The following CEP95 variants were observed in gnomAD, a reference collection of about 807,000 sequenced individuals.
The protein encoded by CEP95 is centrosomal protein 95, also known as centrosomal protein of 95 kDa.
CEP95 carries 98 observed loss-of-function variants against 111.2 expected under a neutral mutation model. The ratio of observed to expected loss-of-function variants is 0.88; its 90% CI spans 0.75 to 1.04. CEP95 has a LOEUF of 1.04. CEP95 is among the 50% of genes least tolerant of loss of function. The pLI, the probability that CEP95 is intolerant of heterozygous loss-of-function variation, is 0.00. For synonymous variants in CEP95, 323 were observed against 327.1 expected, an observed-to-expected ratio of 0.99 and a Z score of 0.14; for missense variants, 1,027 against 977.2, an observed-to-expected ratio of 1.05 and a Z score of -0.68.
chr17:64,535,457 A>G (rs894192840), intron 17 of CEP95: 4 of 152,610 alleles, frequency 2.6e-5, no homozygotes, highest in African/African-American at 9.7e-5. Flanking sequence ...TAGGTGTGGC[A>G]TGTTTCTGCT....
intron 8 of CEP95, among the ~76,000 whole-genome samples, chr17:64,524,967 TCAAAAAA>T (rs1487754380): frequency 6.6e-6 from 1 of 150,426 alleles, no homozygotes; most frequent in African/African-American, 2.5e-5. Context: ...AGACCCCATC[TCAAAAAA>T]CAAAAAAACA....
At chr17:64,524,126 T>C (rs1967597640) in intron 8 of CEP95, among the ~76,000 whole-genome samples, 1 of 152,078 alleles carries the variant, frequency 6.6e-6, no homozygotes, top group Non-Finnish European at 1.5e-5. Flanking sequence ...AATGTTTACT[T>C]TTGGGGGAAT....
rs572838748 is a variant in CEP95 at position 64,514,231 on chromosome 17, C to G, written c.257-17C>G. 2.0e-6 allele frequency: 2 copies of G among 1,012,454 alleles called. No individual in the cohort carries two copies. Among genetic ancestry groups the G allele is most frequent in the South Asian group, 1.4e-5 (1 of 70,200 alleles). 62.7% of individuals were successfully genotyped at this position (1,012,454 alleles called of 1,614,324 possible). A position where few individuals can be genotyped will look rare whatever the true frequency, so the allele number is the denominator to read the frequency against. On this transcript the variant is annotated splice_polypyrimidine_tract_variant and intron_variant, in intron 3 of 19. Transcript: ENST00000556440. Reference sequence around the variant, plus strand: ...TTCATGGTTAAATTTTTTAATAGCTCTATATTCTGTCTCCAGGAGAAAATA... The same window carrying G: ...TTCATGGTTAAATTTTTTAATAGCTGTATATTCTGTCTCCAGGAGAAAATA...
In CEP95 at chr17:64,509,941, G is replaced by A. The variant is rs190850386; in HGVS notation, c.149-232G>A. ...TATATGGTGTAATAAATATTCAACC[G>A]TATTCAACCAGTCTAATATTGATAA... On this transcript the variant is annotated intron_variant, in intron 2 of 19. Transcript: ENST00000556440. Among the ~76,000 whole-genome samples the A allele has an allele frequency of 8.8e-4, 134 of 151,920 alleles. 1 individual carries two copies. The highest frequency in any genetic ancestry group is 1.4e-3 in the Non-Finnish European group (95 of 67,972).
At chr17:64,514,967 A>G (rs2039065280) in intron 4 of CEP95, among the ~76,000 whole-genome samples, 1 of 147,980 alleles carries the variant, frequency 6.8e-6, no homozygotes, top group Non-Finnish European at 1.5e-5. Context: ...AATTAAGACA[A>G]AAAATTGGGG....
At position 64,522,752 on chromosome 17, in the gene CEP95, C is replaced by T. The variant is rs1555678172; in HGVS notation, c.766C>T (p.Pro256Ser). 1.2e-6 allele frequency: 2 copies of T among 1,613,674 alleles called. No individual in the cohort carries two copies. Among genetic ancestry groups the T allele is most frequent in the Non-Finnish European group, 1.7e-6 (2 of 1,179,792 alleles). The change falls in exon 8 of 20, where the codon CCT becomes TCT. Residue 256 changes from proline (P) to serine (S), a missense_variant. Physicochemically the swap from Pro to Ser is moderately conservative, Grantham distance 74. Coordinates refer to ENST00000556440, the MANE Select transcript of CEP95 (RefSeq NM_138363.3). ...GIPNARKLGE[P>S]IRAAIPLHPP... ...TCCAAATGCTAGGAAGCTAGGGGAG[C>T]CTATCCGAGCAGCTATTCCTTTACA...
At chr17:64,536,772 G>A (rs782120915) in intron 18 of CEP95, 24 bp downstream of exon 18, 34 of 1,587,406 alleles carry the variant, frequency 2.1e-5, no homozygotes, top group Admixed American at 5.8e-5. Context: ...ACTTGCTTAC[G>A]CTGTTGTGCT....
In CEP95 at chr17:64,531,828, G is replaced by GAT. The variant is rs1435449999; in HGVS notation, c.1540-61_1540-60dup. 2.4e-6 allele frequency: 3 copies of GAT among 1,224,880 alleles called. No individual in the cohort carries two copies. In the African/African-American group the frequency reaches 4.6e-5, roughly 19 times the overall value. The allele number at this position is 1,224,880 out of a possible 1,614,324, so 75.9% of individuals were successfully genotyped here. A position where few individuals can be genotyped will look rare whatever the true frequency, so the allele number is the denominator to read the frequency against. On this transcript the variant is annotated intron_variant, in intron 13 of 19. Transcript: ENST00000556440. ...GTTTTTGTCAGTATGTAATATTTAAGATGATGTATGAAAGAACTGTTAGAC... is the reference window on the plus strand; with the variant it reads ...GTTTTTGTCAGTATGTAATATTTAAGATATGATGTATGAAAGAACTGTTAGAC...
chr17:64,537,438 T>G (rs556047044), intron 19 of CEP95, 165 bp from the exon 20 acceptor site: 1 of 1,381,018 alleles, frequency 7.2e-7, no homozygotes, highest in Non-Finnish European at 9.4e-7. Flanking sequence ...CCAAGACATT[T>G]TTATCCTATG....
At chr17:64,519,173 C>T in intron 5 of CEP95, 148 bp from the exon 6 acceptor site, 2 of 597,076 alleles carry the variant, frequency 3.3e-6, no homozygotes, top group Non-Finnish European at 6.0e-6. Context: ...ATTCATATAT[C>T]AGTGAAAACA....
intron 1 of CEP95, chr17:64,507,415 G>A: frequency 1.5e-6 from 2 of 1,365,468 alleles, no homozygotes; most frequent in South Asian, 3.4e-5. Flanking sequence ...TTGTCTTTCT[G>A]TGGGGCGTCT....
At chr17:64,506,807 G>C (rs1020795553), upstream of CEP95, 5 of 571,610 alleles carry the variant, frequency 8.7e-6, no homozygotes, top group Non-Finnish European at 1.6e-5. Context: ...GGCTGATGTG[G>C]ACCGTCCGAC....
chr17:64,533,264 G>T, intron 16 of CEP95, 73 bp downstream of exon 16: 1 of 1,288,332 alleles, frequency 7.8e-7, no homozygotes, highest in Non-Finnish European at 1.1e-6. Flanking sequence ...TGCTAGCTGG[G>T]CAACAGTTGC....
intron 5 of CEP95, among the ~76,000 whole-genome samples, chr17:64,517,672 C>G (rs143386923): frequency 1.3e-5 from 2 of 149,256 alleles, no homozygotes; most frequent in African/African-American, 4.9e-5. Context: ...CACAGGTGTG[C>G]GCCACCACAC....
chr17:64,507,611 T>C, intron 1 of CEP95: 1 of 992,032 alleles, frequency 1.0e-6, no homozygotes, highest in Non-Finnish European at 1.2e-6. Flanking sequence ...GGGCTTTGTC[T>C]AGCACCGCTT....
chr17:64,519,228 T>C lies in CEP95; in HGVS notation c.474-93T>C, dbSNP rs145687161. On this transcript the variant is annotated intron_variant, in intron 5 of 19. Transcript: ENST00000556440. The stretch of plus-strand genomic sequence containing the variant: ...TGCTAAGCAGCAAAAGGGAGAGTCT[T>C]TTCCTTTTTCTGCACCCAGCAGCTC... 9.6e-4 allele frequency: 721 copies of C among 753,504 alleles called. 3 individuals are homozygous for C. In the African/African-American group the frequency reaches 0.011, roughly 11 times the overall value. The allele number at this position is 753,504 out of a possible 1,614,324, so 46.7% of individuals were successfully genotyped here.
intron 16 of CEP95, 182 bp from the exon 17 acceptor site, chr17:64,534,403 A>C (rs1968502833): frequency 5.3e-6 from 3 of 563,616 alleles, no homozygotes; most frequent in Non-Finnish European, 9.5e-6. Context: ...GTGTTATTGG[A>C]GCTGCTCTTC....
chr17:64,528,448 T>C (rs1362491330), intron 11 of CEP95, among the ~76,000 whole-genome samples: 2 of 152,206 alleles, frequency 1.3e-5, no homozygotes, highest in South Asian at 2.1e-4. Context: ...TGGTATCCTA[T>C]TGTGAAAACA....
At chr17:64,514,580 C>A (rs1410354477) in intron 4 of CEP95, 1 of 422,790 alleles carries the variant, frequency 2.4e-6, no homozygotes, top group Non-Finnish European at 4.2e-6. Flanking sequence ...TCATAAATTA[C>A]TTCAAAACTA....
Sources: gnomAD v4.1 joint callset for allele counts (sites outside exome capture counted in the v4.1 genomes callset) on GRCh38, gnomAD v4.1.1 for gene constraint, MANE v1.5 for transcripts, NCBI Gene and HGNC (gene_info 2026-07-23, HGNC 2026-07-21) for gene names.